The following TDRD3 variants were observed in gnomAD, a reference collection of about 807,000 sequenced individuals.
TDRD3 encodes the protein tudor domain-containing protein 3.
A neutral mutation model predicts 86.7 loss-of-function variants in TDRD3; 45 were observed. The observed-to-expected ratio is 0.52, with a 90% confidence interval of 0.41 to 0.67. The LOEUF (loss-of-function observed/expected upper bound fraction) is 0.67. TDRD3 is among the 30% of genes least tolerant of loss of function. TDRD3 has a pLI of 0.00. For synonymous variants in TDRD3, 298 were observed against 301.7 expected, an observed-to-expected ratio of 0.99 and a Z score of 0.13; for missense variants, 814 against 889.0, an observed-to-expected ratio of 0.92 and a Z score of 1.07.
rs553925862 is a variant in TDRD3 at position 60,518,370 on chromosome 13, T to C, written c.1141+7615T>C. 9.8e-5 allele frequency among the ~76,000 whole-genome samples: 15 copies of C among 152,332 alleles called. 1 individual carries two copies. In the South Asian group the frequency reaches 2.3e-3, roughly 23 times the overall value. Reference sequence around the variant, plus strand: ...TCTGAGAGGGACACACTGTCCTCACTGTGCCTTTTCTGAATTCCTGGCCCA... The same window carrying C: ...TCTGAGAGGGACACACTGTCCTCACCGTGCCTTTTCTGAATTCCTGGCCCA... On this transcript the variant is annotated intron_variant, in intron 10 of 13. Coordinates refer to ENST00000377881, the MANE Select transcript of TDRD3 (RefSeq NM_001146070.2).
At chr13:60,557,889 C>G (rs1203897353) in intron 12 of TDRD3, among the ~76,000 whole-genome samples, 1 of 128,250 alleles carries the variant, frequency 7.8e-6, no homozygotes, top group Non-Finnish European at 1.6e-5. Context: ...AGTGTGCAAT[C>G]TCGGCTCACT....
chr13:60,494,503 A>G lies in TDRD3; in HGVS notation c.786A>G (p.Arg262=). 6.2e-7 allele frequency: 1 copy of G among 1,613,808 alleles called. No individual in the cohort carries two copies. Among genetic ancestry groups the G allele is most frequent in the Middle Eastern group, 1.7e-4 (1 of 6,058 alleles). ...SNLNMNAAGN[R]NREVLQKEKS... ...TCAATATGAATGCTGCTGGTAACCG[A>G]AATAGGGAAGTTTTACAGAAAGAAA... Residue 262 remains arginine, a synonymous_variant, in exon 8 of 14, where the codon CGA becomes CGG. Coordinates refer to ENST00000377881, the MANE Select transcript of TDRD3 (RefSeq NM_001146070.2).
chr13:60,555,852 C>CTTTT (rs35001150), intron 12 of TDRD3, among the ~76,000 whole-genome samples: 1 of 140,498 alleles, frequency 7.1e-6, no homozygotes, highest in Non-Finnish European at 1.5e-5. Flanking sequence ...CTATTTCTTT[C>CTTTT]TTTTTTTTTT....
intron 1 of TDRD3, among the ~76,000 whole-genome samples, chr13:60,427,588 TG>T (rs1646279766): frequency 6.6e-6 from 1 of 152,180 alleles, no homozygotes; most frequent in African/African-American, 2.4e-5. Flanking sequence ...TTCCTTTGAC[TG>T]ATCTCTCCAC....
intron 1 of TDRD3, among the ~76,000 whole-genome samples, chr13:60,430,364 G>A (rs1253251743): frequency 6.6e-6 from 1 of 152,090 alleles, no homozygotes; most frequent in Non-Finnish European, 1.5e-5. Flanking sequence ...AGTGTTTAGG[G>A]CATTAGGCTT....
rs201573908 is a variant in TDRD3, at chr13:60,573,397, TA to T, written c.*10-209del. On this transcript the variant is annotated intron_variant, in intron 13 of 13. Coordinates refer to ENST00000377881, the MANE Select transcript of TDRD3 (RefSeq NM_001146070.2). Reference sequence around the variant, plus strand: ...GGCAGAGATGTACTTTAACAAAGTCTAAAAAAAAAATTTATTTTCAAAAAAA... The same window carrying T: ...GGCAGAGATGTACTTTAACAAAGTCTAAAAAAAAATTTATTTTCAAAAAAA... Among the ~76,000 whole-genome samples the T allele has an allele frequency of 6.5e-4, 98 of 150,934 alleles. 2 individuals are homozygous for T. The highest frequency in any genetic ancestry group is 4.3e-3 in the Admixed American group (65 of 15,132).
intron 8 of TDRD3, among the ~76,000 whole-genome samples, chr13:60,508,364 A>G (rs1338186734): frequency 1.3e-5 from 2 of 152,216 alleles, no homozygotes; most frequent in African/African-American, 4.8e-5. Context: ...CGTGACTTCA[A>G]ACTATACTAA....
At chr13:60,504,903 C>T (rs528533721) in intron 8 of TDRD3, among the ~76,000 whole-genome samples, 9 of 152,188 alleles carry the variant, frequency 5.9e-5, no homozygotes, top group East Asian at 1.9e-4. Context: ...TAGTGGACTT[C>T]GGCCCAGATA....
intron 2 of TDRD3, among the ~76,000 whole-genome samples, chr13:60,440,671 A>T (rs959171481): frequency 6.6e-6 from 1 of 151,662 alleles, no homozygotes; most frequent in Non-Finnish European, 1.5e-5. Context: ...ACAGAGTGAG[A>T]CTCTGTCTCA....
At chr13:60,431,944 A>T (rs1370957027) in intron 1 of TDRD3, among the ~76,000 whole-genome samples, 1 of 151,984 alleles carries the variant, frequency 6.6e-6, no homozygotes, top group African/African-American at 2.4e-5. Flanking sequence ...CCACAGAGAA[A>T]ATTAAATTTT....
At chr13:60,452,377 C>T (rs1438440810) in intron 3 of TDRD3, among the ~76,000 whole-genome samples, 4 of 152,078 alleles carry the variant, frequency 2.6e-5, no homozygotes, top group African/African-American at 9.6e-5. Flanking sequence ...CTGTCACCTG[C>T]CAGTTATTCT....
intron 1 of TDRD3, among the ~76,000 whole-genome samples, chr13:60,427,104 T>C (rs1445834061): frequency 6.6e-6 from 1 of 152,240 alleles, no homozygotes; most frequent in Admixed American, 6.5e-5. Context: ...CAGTCATATA[T>C]GTATCTGTCA....
chr13:60,517,277 A>T (rs1450414500), intron 10 of TDRD3, among the ~76,000 whole-genome samples: 1 of 151,996 alleles, frequency 6.6e-6, no homozygotes, highest in Non-Finnish European at 1.5e-5. Flanking sequence ...TAGGGACCTC[A>T]CAAAGGGAAT....
rs115901336 is a variant in TDRD3, at chr13:60,562,868, A to G, written c.2119-4657A>G. Among the ~76,000 whole-genome samples, 677 of 152,216 alleles carry G rather than the reference A, an allele frequency of 4.4e-3. 9 individuals are homozygous for G. Among genetic ancestry groups the G allele is most frequent in the African/African-American group, 0.015 (625 of 41,532 alleles). ...CCATTCCCATTTCCCACCTCCACCA[A>G]CCAAATAATGTATCACTGGCTCTTC... On this transcript the variant is annotated intron_variant, in intron 12 of 13. Transcript: ENST00000377881.
rs1957660888 is a variant in TDRD3, at chr13:60,534,728, C to T, written c.1993-380C>T. On this transcript the variant is annotated intron_variant, in intron 11 of 13. Transcript: ENST00000377881. ...ATCACTTGAGCTCAGGAGTTTGAGACCAGCCTGGGCGACATGGTGAAACCC... is the reference window on the plus strand; with the variant it reads ...ATCACTTGAGCTCAGGAGTTTGAGATCAGCCTGGGCGACATGGTGAAACCC... Among the ~76,000 whole-genome samples, 3 of 151,898 alleles carry T rather than the reference C, an allele frequency of 2.0e-5. No homozygotes were observed. The South Asian group carries it at 6.2e-4, about 32-fold the overall frequency.
chr13:60,439,151 GT>G (rs1436255856), intron 1 of TDRD3, among the ~76,000 whole-genome samples: 1 of 152,102 alleles, frequency 6.6e-6, no homozygotes. Context: ...AAGATGTATT[GT>G]AAAAAGTTGC....
intron 2 of TDRD3, among the ~76,000 whole-genome samples, chr13:60,441,002 C>T (rs1955251191): frequency 6.6e-6 from 1 of 152,040 alleles, no homozygotes. Flanking sequence ...TACACTGAGT[C>T]ATCTTTTTTT....
At chr13:60,410,282 G>A (rs2137824313) in intron 1 of TDRD3, among the ~76,000 whole-genome samples, 1 of 152,272 alleles carries the variant, frequency 6.6e-6, no homozygotes, top group African/African-American at 2.4e-5. Flanking sequence ...TATATTTCAT[G>A]CTAGGGCCTT....
intron 5 of TDRD3, among the ~76,000 whole-genome samples, chr13:60,472,452 A>G (rs749243259): frequency 6.6e-6 from 1 of 152,210 alleles, no homozygotes; most frequent in Non-Finnish European, 1.5e-5. Context: ...CCCTACAGCC[A>G]TTATCCATTA....
Sources: allele counts gnomAD v4.1 joint callset (sites outside exome capture counted in the v4.1 genomes callset), GRCh38; gene constraint gnomAD v4.1.1; transcripts MANE v1.5; gene names NCBI Gene and HGNC (gene_info 2026-07-23, HGNC 2026-07-21).